Variants in C12orf54 observed in about 807,000 individuals in gnomAD.
The protein encoded by C12orf54 is chromosome 12 open reading frame 54, also known as uncharacterized protein C12orf54.
In C12orf54, 24 loss-of-function variants were observed where a neutral mutation model predicts 26.4. That is an observed-to-expected ratio of 0.91 (90% CI 0.66 to 1.28). C12orf54 has a LOEUF of 1.28. Ranked by LOEUF, C12orf54 falls within the 50% of genes most tolerant of loss-of-function variation. C12orf54 has a pLI of 0.00. For synonymous variants in C12orf54, 54 were observed against 47.0 expected (o/e 1.15, Z -0.61); for missense variants, 154 against 150.9 (o/e 1.02, Z -0.11).
the C12orf54 span, among the ~76,000 whole-genome samples, chr12:48,464,110 C>T: frequency 2.6e-5 from 4 of 151,908 alleles, no homozygotes; most frequent in African/African-American, 9.7e-5. Flanking sequence ...TAAAGGGCAT[C>T]CAAATAGGTA....
chr12:48,449,220 C>T, the C12orf54 span, among the ~76,000 whole-genome samples: 2 of 152,162 alleles, frequency 1.3e-5, no homozygotes, highest in Non-Finnish European at 2.9e-5. Flanking sequence ...CAGTTCATCT[C>T]TTCAGGAGTG....
the C12orf54 span, among the ~76,000 whole-genome samples, chr12:48,414,375 T>C: frequency 6.6e-6 from 1 of 152,256 alleles, no homozygotes; most frequent in Admixed American, 6.5e-5. Flanking sequence ...CCGGAAAATC[T>C]GGTTTTCTTT....
At chr12:48,462,334 A>T in the C12orf54 span, among the ~76,000 whole-genome samples, 1 of 151,642 alleles carries the variant, frequency 6.6e-6, no homozygotes, top group Non-Finnish European at 1.5e-5. Context: ...AAATAATAAA[A>T]AATAAACAAC....
chr12:48,439,001 A>C, the C12orf54 span, among the ~76,000 whole-genome samples: 1 of 152,062 alleles, frequency 6.6e-6, no homozygotes, highest in African/African-American at 2.4e-5. Context: ...TTTGCAACCT[A>C]CTCATCTGAC....
At chr12:48,490,726 A>G in intron 5 of C12orf54, 86 bp from the exon 6 acceptor site, 1 of 1,492,964 alleles carries the variant, frequency 6.7e-7, no homozygotes, top group South Asian at 1.2e-5. Flanking sequence ...ACATCCCTGC[A>G]TTTGACCAAG....
the C12orf54 span, among the ~76,000 whole-genome samples, chr12:48,457,191 G>A: frequency 1.3e-5 from 2 of 151,944 alleles, no homozygotes; most frequent in African/African-American, 4.8e-5. Flanking sequence ...TATAGAGTGA[G>A]AGGTGACCGT....
chr12:48,471,982 T>C, the C12orf54 span, among the ~76,000 whole-genome samples: 2 of 152,196 alleles, frequency 1.3e-5, no homozygotes, highest in Non-Finnish European at 2.9e-5. Flanking sequence ...GAACATGGGA[T>C]GTTTTTCCAC....
At chr12:48,483,984 G>A (rs572185983) in intron 2 of C12orf54, among the ~76,000 whole-genome samples, 1 of 152,228 alleles carries the variant, frequency 6.6e-6, no homozygotes, top group South Asian at 2.1e-4. Flanking sequence ...ACCTGAGGTT[G>A]GGAGTTCGAG....
At chr12:48,460,213 G>C in the C12orf54 span, among the ~76,000 whole-genome samples, 4 of 151,958 alleles carry the variant, frequency 2.6e-5, no homozygotes, top group African/African-American at 7.3e-5. Flanking sequence ...TGATTTTGGG[G>C]GTCATACAGC....
chr12:48,436,582 G>T, the C12orf54 span, among the ~76,000 whole-genome samples: 1 of 152,108 alleles, frequency 6.6e-6, no homozygotes, highest in South Asian at 2.1e-4. Flanking sequence ...AATCAAACTA[G>T]AACTCAGGAT....
At chr12:48,474,710 C>T in the C12orf54 span, among the ~76,000 whole-genome samples, 1 of 152,252 alleles carries the variant, frequency 6.6e-6, no homozygotes, top group African/African-American at 2.4e-5. Flanking sequence ...CCCGCCATTG[C>T]CAAGTTAGTT....
chr12:48,440,046 G>A, the C12orf54 span, among the ~76,000 whole-genome samples: 30 of 152,140 alleles, frequency 2.0e-4, no homozygotes, highest in Middle Eastern at 3.4e-3. Context: ...CCAACATGGC[G>A]AAACCCTGTC....
At chr12:48,441,720 A>G in the C12orf54 span, among the ~76,000 whole-genome samples, 1 of 152,212 alleles carries the variant, frequency 6.6e-6, no homozygotes, top group South Asian at 2.1e-4. Context: ...TGTATAATAA[A>G]TACATATCCT....
At chr12:48,475,034 TC>T in the C12orf54 span, among the ~76,000 whole-genome samples, 2 of 152,180 alleles carry the variant, frequency 1.3e-5, no homozygotes, top group Admixed American at 6.5e-5. Context: ...AGCCGGGTAC[TC>T]CTCTGAGACA....
the C12orf54 span, among the ~76,000 whole-genome samples, chr12:48,434,278 G>A: frequency 6.6e-6 from 1 of 152,246 alleles, no homozygotes; most frequent in Non-Finnish European, 1.5e-5. Flanking sequence ...CTCGAACTGG[G>A]TGCAGCCCAC....
At chr12:48,492,782 C>T in intron 6 of C12orf54, 165 bp from the exon 7 acceptor site, 1 of 621,972 alleles carries the variant, frequency 1.6e-6, no homozygotes, top group East Asian at 2.8e-5. Flanking sequence ...TCTGGTGCCA[C>T]ATTCTGCAAC....
the C12orf54 span, among the ~76,000 whole-genome samples, chr12:48,471,625 T>C: frequency 1.1e-3 from 161 of 152,336 alleles, no homozygotes; most frequent in African/African-American, 3.5e-3. Flanking sequence ...CTTGTTTTTC[T>C]TGGTCTTGTC....
chr12:48,475,569 A>G, the C12orf54 span, among the ~76,000 whole-genome samples: 3 of 152,254 alleles, frequency 2.0e-5, no homozygotes, highest in Non-Finnish European at 1.5e-5. Flanking sequence ...ATGGAGCTGA[A>G]AACCATGGCA....
intron 2 of C12orf54, among the ~76,000 whole-genome samples, chr12:48,485,777 A>T (rs1954254003): frequency 6.6e-6 from 1 of 152,132 alleles, no homozygotes; most frequent in Non-Finnish European, 1.5e-5. Flanking sequence ...TTTTCGGGGG[A>T]TAAAAAAGGA....
Sources: gnomAD v4.1 joint callset for allele counts (sites outside exome capture counted in the v4.1 genomes callset) on GRCh38, gnomAD v4.1.1 for gene constraint, MANE v1.5 for transcripts, NCBI Gene and HGNC (gene_info 2026-07-23, HGNC 2026-07-21) for gene names.